Variants in DAOA observed in about 807,000 individuals in gnomAD.
The protein encoded by DAOA is D-amino acid oxidase regulator.
Under a neutral mutation model 16.4 loss-of-function variants are expected in DAOA, and 15 were observed. The observed-to-expected ratio is 0.91, with a 90% CI of 0.61 to 1.41. The LOEUF is 1.41. DAOA is among the 40% of genes most tolerant of loss of function. DAOA has a pLI of 0.00. For missense variants in DAOA, 230 were observed against 176.8 expected (o/e 1.30, Z -1.71); for synonymous variants, 75 against 59.1 (o/e 1.27, Z -1.23).
chr13:105,467,893 G>C (rs1594102941), intron 3 of DAOA, among the ~76,000 whole-genome samples: 1 of 152,194 alleles, frequency 6.6e-6, no homozygotes, highest in Non-Finnish European at 1.5e-5. Context: ...AAAAAAACAA[G>C]CACATTCATT....
intron 2 of DAOA, 135 bp from the exon 3 acceptor site, chr13:105,466,918 C>A: frequency 1.7e-6 from 2 of 1,171,160 alleles, no homozygotes; most frequent in African/African-American, 1.6e-5. Context: ...ACGTATTTGG[C>A]TGAATAGTTA....
At chr13:105,480,809 G>T (rs9284229) in intron 4 of DAOA, among the ~76,000 whole-genome samples, 11,156 of 152,114 alleles carry the variant, frequency 0.073, 554 homozygotes, top group African/African-American at 0.14. Flanking sequence ...GTAAGTTCCA[G>T]CCCTAAGAAG....
At chr13:105,466,470 T>C (rs1191532475) in intron 2 of DAOA, 138 bp downstream of exon 2, 1 of 1,405,148 alleles carries the variant, frequency 7.1e-7, no homozygotes, top group African/African-American at 1.4e-5. Context: ...GAGCCCAGTA[T>C]ATGGTTCAGC....
At chr13:105,480,661 T>G (rs879083402) in intron 4 of DAOA, among the ~76,000 whole-genome samples, 2 of 152,074 alleles carry the variant, frequency 1.3e-5, no homozygotes, top group South Asian at 4.2e-4. Flanking sequence ...CATGGAGTAG[T>G]GTGGCCCTGG....
intron 3 of DAOA, among the ~76,000 whole-genome samples, chr13:105,470,546 A>T (rs1876858104): frequency 6.6e-6 from 1 of 152,206 alleles, no homozygotes; most frequent in African/African-American, 2.4e-5. Context: ...GAAATTCTAC[A>T]TACATAAAAT....
intron 4 of DAOA, among the ~76,000 whole-genome samples, chr13:105,488,245 G>A (rs112325869): frequency 7.9e-5 from 12 of 152,222 alleles, no homozygotes; most frequent in Non-Finnish European, 1.2e-4. Flanking sequence ...TGTCAGCATT[G>A]ATTAACATGA....
At position 105,466,646 on chromosome 13, in the gene DAOA, C is replaced by A. The variant is rs1876535189; in HGVS notation, c.44+314C>A. Among the ~76,000 whole-genome samples, 4 of 152,178 alleles carry A rather than the reference C, an allele frequency of 2.6e-5. 1 individual carries two copies. The highest frequency in any genetic ancestry group is 2.6e-4 in the Admixed American group (4 of 15,286). ...AGCTTTCCATTGTTATAAACCACCT[C>A]CCCCTCACTCCATCTGCCTGTGCTA... On this transcript the variant is annotated intron_variant, in intron 2 of 5. Transcript: ENST00000375936.
intron 3 of DAOA, among the ~76,000 whole-genome samples, chr13:105,469,091 G>C (rs529021713): frequency 6.6e-6 from 1 of 152,108 alleles, no homozygotes. Context: ...AGTAGACAAG[G>C]CATCTACATT....
At chr13:105,488,848 T>A (rs939458848) in intron 4 of DAOA, among the ~76,000 whole-genome samples, 1 of 152,210 alleles carries the variant, frequency 6.6e-6, no homozygotes, top group African/African-American at 2.4e-5. Context: ...CTGATGGTAA[T>A]CTCTCAAACT....
chr13:105,481,117 T>C (rs1198972181), intron 4 of DAOA, among the ~76,000 whole-genome samples: 1 of 152,198 alleles, frequency 6.6e-6, no homozygotes, highest in Non-Finnish European at 1.5e-5. Flanking sequence ...CCAACAATAC[T>C]TTTCTTCTTA....
At chr13:105,484,077 G>A (rs544175161) in intron 4 of DAOA, among the ~76,000 whole-genome samples, 28 of 152,144 alleles carry the variant, frequency 1.8e-4, no homozygotes, top group African/African-American at 6.0e-4. Flanking sequence ...AAGATTAACC[G>A]TTTTGTAATG....
intron 4 of DAOA, among the ~76,000 whole-genome samples, chr13:105,473,163 G>GTGTA: frequency 6.6e-6 from 1 of 151,736 alleles, no homozygotes; most frequent in South Asian, 2.1e-4. Context: ...GAGAGTGTGT[G>GTGTA]TGTGTGTGTG....
chr13:105,478,164 C>A (rs1877472881), intron 4 of DAOA, among the ~76,000 whole-genome samples: 1 of 152,176 alleles, frequency 6.6e-6, no homozygotes. Context: ...CAACATCTAA[C>A]AATACAGCTG....
In DAOA at chr13:105,466,204, C is replaced by A. The variant is rs1168789981; in HGVS notation, c.-73-12C>A. ...AAGCTTACTAGTGTATATGATGATTCTGTTGGTCCAGGATTTGGAAAGGGC... is the reference window on the plus strand; with the variant it reads ...AAGCTTACTAGTGTATATGATGATTATGTTGGTCCAGGATTTGGAAAGGGC... On this transcript the variant is annotated splice_polypyrimidine_tract_variant and intron_variant, in intron 1 of 5. Coordinates refer to ENST00000375936, the MANE Select transcript of DAOA (RefSeq NM_172370.5). 2 of 1,599,130 alleles carry A rather than the reference C, an allele frequency of 1.3e-6. No individual in the cohort carries two copies. Among genetic ancestry groups the A allele is most frequent in the Non-Finnish European group, 1.7e-6 (2 of 1,171,774 alleles).
chr13:105,468,058 C>G (rs997096981), intron 3 of DAOA, among the ~76,000 whole-genome samples: 1 of 152,122 alleles, frequency 6.6e-6, no homozygotes, highest in African/African-American at 2.4e-5. Context: ...TCGTGGCCTG[C>G]CCTCTGTCTT....
At chr13:105,484,431 A>T (rs987244026) in intron 4 of DAOA, among the ~76,000 whole-genome samples, 1 of 152,140 alleles carries the variant, frequency 6.6e-6, no homozygotes, top group Non-Finnish European at 1.5e-5. Flanking sequence ...TCTTAAGAAT[A>T]TTATCTTCCA....
intron 4 of DAOA, among the ~76,000 whole-genome samples, chr13:105,486,258 T>C (rs1041538978): frequency 2.6e-5 from 4 of 152,170 alleles, no homozygotes; most frequent in African/African-American, 9.6e-5. Context: ...GGAGTGTTTT[T>C]TTCACTTCAT....
In DAOA at chr13:105,472,667, T is replaced by C. The variant is rs1877050554; in HGVS notation, c.263T>C (p.Leu88Pro). 2 of 1,613,928 alleles carry C rather than the reference T, an allele frequency of 1.2e-6. No individual in the cohort carries two copies. The highest frequency in any genetic ancestry group is 2.2e-5 in the South Asian group (2 of 91,056). ...QRSLCPWVSY[L>P]PQPYAELEEV... ...TCATTATGTCCTTGGGTCTCTTACC[T>C]TCCTCAGCCCTATGCAGAGTATGTA... is the stretch of plus-strand genomic sequence containing the variant. The change falls in exon 4 of 6, where the codon CTT (leucine) becomes CCT (proline). Residue 88 changes from leucine to proline, a missense_variant. By Grantham distance (98) the Leu-to-Pro change is moderately conservative. Coordinates refer to ENST00000375936, the MANE Select transcript of DAOA (RefSeq NM_172370.5).
intron 3 of DAOA, among the ~76,000 whole-genome samples, chr13:105,468,772 G>A (rs1876720627): frequency 6.6e-6 from 1 of 152,188 alleles, no homozygotes; most frequent in Admixed American, 6.5e-5. Context: ...TTCTAATGAT[G>A]GCCATGCCTT....
Sources: gnomAD v4.1 joint callset for allele counts (sites outside exome capture counted in the v4.1 genomes callset) on GRCh38, gnomAD v4.1.1 for gene constraint, MANE v1.5 for transcripts, NCBI Gene and HGNC (gene_info 2026-07-23, HGNC 2026-07-21) for gene names.